The following LRRC71 variants were observed in gnomAD, a reference collection of about 807,000 sequenced individuals.
The protein encoded by LRRC71 is leucine rich repeat containing 71.
In LRRC71, 54 loss-of-function variants were observed where a neutral mutation model predicts 66.6. That is an observed-to-expected ratio of 0.81 (90% confidence interval 0.65 to 1.02). The LOEUF is 1.02. Ranked by LOEUF, LRRC71 falls within the 50% of genes least tolerant of loss-of-function variation. The pLI is 0.00. For synonymous variants in LRRC71, 323 were observed against 303.9 expected, an observed-to-expected ratio of 1.06 and a Z score of -0.65; for missense variants, 724 against 718.0, an observed-to-expected ratio of 1.01 and a Z score of -0.10.
downstream of LRRC71, chr1:156,935,912 T>G: frequency 7.2e-7 from 1 of 1,396,448 alleles, no homozygotes; most frequent in Non-Finnish European, 9.8e-7. Flanking sequence ...CAGGGAGGAG[T>G]GTTGGGATCC....
downstream of LRRC71, chr1:156,937,079 G>C (rs549601021): frequency 4.4e-6 from 7 of 1,576,044 alleles, no homozygotes; most frequent in Admixed American, 1.2e-4. Context: ...GGTCTGTGCT[G>C]GGCCTTGGGG....
chr1:156,935,830 A>G, downstream of LRRC71: 1 of 705,530 alleles, frequency 1.4e-6, no homozygotes, highest in Admixed American at 3.1e-5. Context: ...CTCCGACTTG[A>G]GCAGACCAAG....
chr1:156,929,128 A>G (rs905096697), intron 9 of LRRC71, among the ~76,000 whole-genome samples, 152 bp from the exon 10 acceptor site: 1 of 152,074 alleles, frequency 6.6e-6, no homozygotes, highest in South Asian at 2.1e-4. Context: ...GAGGAGTCCT[A>G]TACAAATTAT....
chr1:156,921,712 A>AAAAAAC (rs1207574697), intron 1 of LRRC71: 2 of 278,324 alleles, frequency 7.2e-6, no homozygotes, highest in African/African-American at 5.5e-5. Context: ...TTACATTCAA[A>AAAAAAC]ACACACACAC....
intron 11 of LRRC71, among the ~76,000 whole-genome samples, chr1:156,930,093 C>CTT (rs1571069635): frequency 1.7e-5 from 1 of 57,656 alleles, no homozygotes; most frequent in East Asian, 1.1e-3. Context: ...TTCTTTCTTT[C>CTT]TCTCTCTTTT....
chr1:156,926,222 T>A (rs1653170661), intron 5 of LRRC71, among the ~76,000 whole-genome samples: 1 of 152,184 alleles, frequency 6.6e-6, no homozygotes, highest in African/African-American at 2.4e-5. Context: ...TAAAAGGACA[T>A]ACATTTATGA....
chr1:156,929,350 G>C lies in LRRC71; in HGVS notation c.1067G>C (p.Ser356Thr), dbSNP rs746568632. The C allele has an allele frequency of 5.6e-6, 9 of 1,613,584 alleles. No individual in the cohort carries two copies. The African/African-American group carries it at 1.2e-4, about 22-fold the overall frequency. ...EKSQMVGISN[S>T]ALVDKTDKTQ... ...AGTCAGATGGTAGGGATCAGCAATA[G>C]TGCATTGGTGGACAAGACAGACAAG... Residue 356 changes from serine to threonine, a missense_variant, in exon 10 of 15, where the codon AGT (serine) becomes ACT (threonine). Physicochemically the swap from Ser to Thr is moderately conservative, Grantham distance 58 (BLOSUM62 1). Coordinates refer to ENST00000337428, the MANE Select transcript of LRRC71 (RefSeq NM_144702.3).
rs1652919562 is a variant in LRRC71 at position 156,924,642 on chromosome 1, G to A, written c.440-1G>A. ...GGCACCTGCCTCCTCTTGGCCCGCA[G>A]GTTGGAAGGTTGAGGAACGGATTCT... On this transcript the variant is annotated splice_acceptor_variant, in intron 3 of 14. Coordinates refer to ENST00000337428, the MANE Select transcript of LRRC71 (RefSeq NM_144702.3). LOFTEE classifies it high-confidence loss of function. 2 of 1,549,828 alleles carry A rather than the reference G, an allele frequency of 1.3e-6. No homozygotes were observed. The highest frequency in any genetic ancestry group is 2.7e-5 in the African/African-American group (2 of 72,920).
At chr1:156,939,132 T>C in the LRRC71 span, 3 of 245,458 alleles carry the variant, frequency 1.2e-5, no homozygotes, top group South Asian at 1.5e-4. Context: ...TTGCCTGGCG[T>C]GAGGGGCTGC....
At chr1:156,940,104 C>T in the LRRC71 span, 2 of 1,431,920 alleles carry the variant, frequency 1.4e-6, no homozygotes, top group East Asian at 2.3e-5. Context: ...TCAAGCACAC[C>T]AGGAAGAGCC....
chr1:156,937,331 G>C, downstream of LRRC71: 1 of 1,613,862 alleles, frequency 6.2e-7, no homozygotes, highest in South Asian at 1.1e-5. Flanking sequence ...GCTTGGAGGA[G>C]AGCGGCTGGG....
chr1:156,938,831 G>A, the LRRC71 span: 1 of 361,118 alleles, frequency 2.8e-6, no homozygotes, highest in Admixed American at 4.6e-5. Context: ...CCACTAGCGT[G>A]GAACCCCATC....
Position 156,933,013 on chromosome 1 carries a change from C to T in LRRC71, c.*44C>T. On this transcript the variant is annotated 3_prime_UTR_variant, in exon 15 of 15. Coordinates refer to ENST00000337428, the MANE Select transcript of LRRC71 (RefSeq NM_144702.3). ...CCTCTAAGACTCGGGGCTACAGAAG[C>T]ACCTCCTGTCCCTGTGTGGGGTGAC... 1 of 1,429,770 alleles carries T rather than the reference C, an allele frequency of 7.0e-7. No homozygotes were observed. Among genetic ancestry groups the T allele is most frequent in the Non-Finnish European group, 9.6e-7 (1 of 1,039,560 alleles). 88.6% of individuals were successfully genotyped at this position (1,429,770 alleles called of 1,614,324 possible). A position where few individuals can be genotyped will look rare whatever the true frequency, so the allele number is the denominator to read the frequency against.
chr1:156,930,093 C>CTTTTCTTTCTTTCTT (rs1571069635), intron 11 of LRRC71, among the ~76,000 whole-genome samples: 22 of 57,672 alleles, frequency 3.8e-4, no homozygotes, highest in Middle Eastern at 6.5e-3. Flanking sequence ...TTCTTTCTTT[C>CTTTTCTTTCTTTCTT]TCTCTCTTTT....
At chr1:156,929,205 ATAGC>A in intron 9 of LRRC71, 71 bp from the exon 10 acceptor site, 1 of 1,516,828 alleles carries the variant, frequency 6.6e-7, no homozygotes, top group Non-Finnish European at 8.9e-7. Context: ...AAGTATGGGT[ATAGC>A]TACCTTTCAT....
chr1:156,929,133 A>G, intron 9 of LRRC71, 147 bp from the exon 10 acceptor site: 1 of 960,752 alleles, frequency 1.0e-6, no homozygotes, highest in Non-Finnish European at 1.5e-6. Context: ...GTCCTATACA[A>G]ATTATTTTAG....
Position 156,927,967 on chromosome 1 carries a change from T to C in LRRC71, c.959T>C (p.Leu320Pro), listed in dbSNP as rs955179667. 2 of 1,610,612 alleles carry C rather than the reference T, an allele frequency of 1.2e-6. No individual in the cohort carries two copies. The highest frequency in any genetic ancestry group is 1.8e-4 in the Middle Eastern group (1 of 5,454). ...ACCGAAGTGGTGGAGCGCCGACGCC[T>C]CCTGCTGGAAAAAGGGACACAGGAG... ...THTEVVERRRLLLEKGTQERS... is the reference protein window; with the variant it reads ...THTEVVERRRPLLEKGTQERS... The change falls in exon 9 of 15, where the codon CTC becomes CCC. Residue 320 changes from leucine to proline, a missense_variant. Coordinates refer to ENST00000337428, the MANE Select transcript of LRRC71 (RefSeq NM_144702.3).
At chr1:156,929,185 A>G in intron 9 of LRRC71, 95 bp from the exon 10 acceptor site, 1 of 1,445,676 alleles carries the variant, frequency 6.9e-7, no homozygotes. Context: ...TGTCAGCTCG[A>G]CTGCTCCCCA....
chr1:156,937,423 G>T (rs761285774), downstream of LRRC71: 1 of 1,579,688 alleles, frequency 6.3e-7, no homozygotes, highest in Admixed American at 1.8e-5. Context: ...GCTGAGGGGG[G>T]CTCATGGGTG....
Sources: gnomAD v4.1 joint callset for allele counts (sites outside exome capture counted in the v4.1 genomes callset) on GRCh38, gnomAD v4.1.1 for gene constraint, MANE v1.5 for transcripts, NCBI Gene and HGNC (gene_info 2026-07-23, HGNC 2026-07-21) for gene names.